ORC5: variants seen among roughly 807,000 people sequenced by gnomAD.
ORC5 encodes origin recognition complex subunit 5.
A neutral mutation model predicts 58.8 loss-of-function variants in ORC5; 39 were observed. The observed-to-expected ratio is 0.66, with a 90% CI of 0.51 to 0.87. ORC5 has a LOEUF of 0.87. Ranked by LOEUF, ORC5 falls within the 40% of genes least tolerant of loss-of-function variation. The pLI is 0.00. For missense variants in ORC5, 493 were observed against 506.3 expected (o/e 0.97, Z 0.25); for synonymous variants, 218 against 177.6 (o/e 1.23, Z -1.81).
At chr7:104,175,339 T>A (rs1281127548) in intron 8 of ORC5, among the ~76,000 whole-genome samples, 1 of 152,192 alleles carries the variant, frequency 6.6e-6, no homozygotes, top group East Asian at 1.9e-4. Flanking sequence ...ACCTCTCTAT[T>A]TTTTTCCTGC....
intron 8 of ORC5, among the ~76,000 whole-genome samples, chr7:104,177,891 G>A (rs1056258852): frequency 6.6e-6 from 1 of 152,176 alleles, no homozygotes; most frequent in Non-Finnish European, 1.5e-5. Flanking sequence ...TCCCTGCAAA[G>A]GACATGAACT....
chr7:104,188,590 C>T (rs1457783781), intron 5 of ORC5, among the ~76,000 whole-genome samples: 1 of 152,124 alleles, frequency 6.6e-6, no homozygotes, highest in Non-Finnish European at 1.5e-5. Context: ...GTTCCTGGCA[C>T]AGAGCTTCTA....
chr7:104,193,714 T>C (rs1387503643), intron 5 of ORC5, among the ~76,000 whole-genome samples: 1 of 90,564 alleles, frequency 1.1e-5, no homozygotes, highest in East Asian at 2.4e-4. Context: ...TACAGTGTTT[T>C]TGCTTAAAAA....
At chr7:104,184,248 T>A in intron 6 of ORC5, 77 bp from the exon 7 acceptor site, 1 of 945,434 alleles carries the variant, frequency 1.1e-6, no homozygotes, top group South Asian at 1.7e-5. Context: ...TCAAGTAAAA[T>A]CTGTATTGCA....
At chr7:104,176,695 A>C (rs1274741261) in intron 8 of ORC5, among the ~76,000 whole-genome samples, 1 of 152,156 alleles carries the variant, frequency 6.6e-6, no homozygotes, top group Non-Finnish European at 1.5e-5. Context: ...TTGGGAGCTC[A>C]GGATTTTATT....
At chr7:104,198,441 A>G (rs549355759) in intron 3 of ORC5, among the ~76,000 whole-genome samples, 17 of 152,230 alleles carry the variant, frequency 1.1e-4, no homozygotes, top group Non-Finnish European at 2.1e-4. Flanking sequence ...TCTAGCAAAG[A>G]GAAGGGTGGC....
intron 5 of ORC5, among the ~76,000 whole-genome samples, chr7:104,193,680 C>T (rs1257336685): frequency 4.6e-5 from 7 of 150,782 alleles, no homozygotes; most frequent in African/African-American, 1.7e-4. Flanking sequence ...TAATATTCCC[C>T]TTCTGAATGG....
intron 6 of ORC5, chr7:104,188,032 C>G (rs949066292): frequency 9.1e-7 from 1 of 1,103,750 alleles, no homozygotes; most frequent in African/African-American, 1.6e-5. Context: ...CTGATCAGAT[C>G]AAACAATCAA....
chr7:104,158,068 G>A (rs3808012), intron 12 of ORC5, among the ~76,000 whole-genome samples: 9 of 151,834 alleles, frequency 5.9e-5, no homozygotes, highest in African/African-American at 2.2e-4. Context: ...TATCACTTAT[G>A]TAAATGAGAA....
intron 13 of ORC5, among the ~76,000 whole-genome samples, chr7:104,131,495 C>T (rs1798511431): frequency 6.6e-6 from 1 of 152,064 alleles, no homozygotes; most frequent in African/African-American, 2.4e-5. Context: ...TTTAAATATG[C>T]TCAAATCTTT....
chr7:104,155,222 A>G (rs1798904353), intron 12 of ORC5, among the ~76,000 whole-genome samples: 1 of 151,808 alleles, frequency 6.6e-6, no homozygotes, highest in Non-Finnish European at 1.5e-5. Flanking sequence ...ACATGAGTTC[A>G]TAAGCAGAGA....
intron 12 of ORC5, among the ~76,000 whole-genome samples, chr7:104,139,503 G>A (rs558036878): frequency 6.6e-6 from 1 of 151,952 alleles, no homozygotes; most frequent in Non-Finnish European, 1.5e-5. Flanking sequence ...GTATTTAGTC[G>A]ATTACTTTAC....
chr7:104,205,631 A>T (rs1365677443), intron 1 of ORC5, among the ~76,000 whole-genome samples: 1 of 152,218 alleles, frequency 6.6e-6, no homozygotes, highest in African/African-American at 2.4e-5. Context: ...TGCTAAAAAT[A>T]GACTAAAAAT....
intron 1 of ORC5, among the ~76,000 whole-genome samples, chr7:104,204,824 G>A (rs1800034476): frequency 1.3e-5 from 2 of 152,138 alleles, no homozygotes; most frequent in South Asian, 4.1e-4. Flanking sequence ...AAATACATAT[G>A]TGCAAGATCC....
At chr7:104,194,465 C>T (rs1799751235) in intron 5 of ORC5, among the ~76,000 whole-genome samples, 1 of 151,986 alleles carries the variant, frequency 6.6e-6, no homozygotes, top group South Asian at 2.1e-4. Context: ...TCTTAATCCA[C>T]AAAGCTATTC....
intron 13 of ORC5, among the ~76,000 whole-genome samples, chr7:104,135,985 C>T (rs768403965): frequency 1.2e-4 from 18 of 152,140 alleles, no homozygotes; most frequent in Non-Finnish European, 2.2e-4. Flanking sequence ...ATGATGAAGT[C>T]ACTTATTCAT....
chr7:104,197,979 GAATT>G lies in ORC5; in HGVS notation c.367-184_367-181del, dbSNP rs146516784. ...TCATAAGGGCTCTGTCCTCATGAAT[GAATT>G]AATATTGTTATCAAGGGAGTGGGTT... On this transcript the variant is annotated intron_variant, in intron 3 of 13. Transcript: ENST00000297431. Among the ~76,000 whole-genome samples, 83 of 152,254 alleles carry G rather than the reference GAATT, an allele frequency of 5.5e-4. 1 individual carries two copies. The East Asian group carries it at 0.015, about 27-fold the overall frequency.
Position 104,133,187 on chromosome 7 carries a change from A to G in ORC5, c.1262+3594T>C, listed in dbSNP as rs1798539882. On this transcript the variant is annotated intron_variant, in intron 13 of 13. Transcript: ENST00000297431. This position sits in a 1 kb window ranked among gnomAD's most constrained non-coding sequence, Gnocchi z 4.7. Reference sequence around the variant, plus strand: ...ATGAGCAGGGTGACATTAAATTTTTATAAAATCATTCTGGCTACAGCATGG... The same window carrying G: ...ATGAGCAGGGTGACATTAAATTTTTGTAAAATCATTCTGGCTACAGCATGG... 6.6e-6 allele frequency among the ~76,000 whole-genome samples: 1 copy of G among 152,184 alleles called. No homozygotes were observed. Among genetic ancestry groups the G allele is most frequent in the Non-Finnish European group, 1.5e-5 (1 of 68,032 alleles).
At chr7:104,130,166 T>C (rs1474760738) in intron 13 of ORC5, among the ~76,000 whole-genome samples, 1 of 152,098 alleles carries the variant, frequency 6.6e-6, no homozygotes, top group East Asian at 1.9e-4. Flanking sequence ...CAATTGAAAA[T>C]GTGTAACTAC....
Sources: gnomAD v4.1 joint callset for allele counts (sites outside exome capture counted in the v4.1 genomes callset) on GRCh38, gnomAD v4.1.1 for gene constraint, Gnocchi (gnomAD v3.1) non-coding constraint, MANE v1.5 for transcripts, NCBI Gene and HGNC (gene_info 2026-07-23, HGNC 2026-07-21) for gene names.